Variants in KLHL3 observed in about 807,000 individuals in gnomAD.
KLHL3 encodes kelch-like protein 3.
KLHL3 carries 19 observed loss-of-function variants against 70.5 expected under a neutral mutation model. The observed-to-expected ratio is 0.27, with a 90% confidence interval of 0.19 to 0.40. The LOEUF (loss-of-function observed/expected upper bound fraction) is 0.40, where lower values mean the gene tolerates loss of function less well. KLHL3 is among the 10% of genes least tolerant of loss of function. The probability of loss-of-function intolerance (pLI) is 1.00; values close to 1 mark genes in which losing one functional copy is unlikely to be tolerated. For missense variants in KLHL3, 512 were observed against 771.1 expected (o/e 0.66, Z 3.98); for synonymous variants, 258 against 290.3 (o/e 0.89, Z 1.13).
chr5:137,704,092 C>T (rs1032322189), intron 3 of KLHL3, among the ~76,000 whole-genome samples: 3 of 152,194 alleles, frequency 2.0e-5, no homozygotes, highest in Non-Finnish European at 2.9e-5. Context: ...AGTGAATTCT[C>T]CACGCACCTA....
Position 137,619,237 on chromosome 5 carries a change from G to T in KLHL3, c.*2861C>A, listed in dbSNP as rs1756326490. The T allele has an allele frequency of 6.6e-6, 1 of 152,644 alleles. No homozygotes were observed. The highest frequency in any genetic ancestry group is 2.1e-4 in the South Asian group (1 of 4,834). The allele number at this position is 152,644 out of a possible 1,614,324, so 9.5% of individuals were successfully genotyped here. ...TCTTAGGGGATATTGCAACTGGCTTGTCGGGAACTAGAATTAAGTATTCTT... is the reference window on the plus strand; with the variant it reads ...TCTTAGGGGATATTGCAACTGGCTTTTCGGGAACTAGAATTAAGTATTCTT... On this transcript the variant is annotated 3_prime_UTR_variant, in exon 15 of 15. Coordinates refer to ENST00000309755, the MANE Select transcript of KLHL3 (RefSeq NM_017415.3).
At chr5:137,624,653 T>C (rs1301792830) in intron 14 of KLHL3, among the ~76,000 whole-genome samples, 3 of 152,338 alleles carry the variant, frequency 2.0e-5, no homozygotes, top group Middle Eastern at 3.4e-3. Context: ...ATCGGAAGAA[T>C]ATTCCTGGAG....
intron 8 of KLHL3, among the ~76,000 whole-genome samples, chr5:137,655,146 CA>C (rs1554091787): frequency 6.6e-6 from 1 of 152,066 alleles, no homozygotes; most frequent in Non-Finnish European, 1.5e-5. Flanking sequence ...AACCAATTTC[CA>C]AAGGGAAATG....
At chr5:137,729,555 G>A (rs1753138878) in intron 1 of KLHL3, among the ~76,000 whole-genome samples, 1 of 152,164 alleles carries the variant, frequency 6.6e-6, no homozygotes, top group Non-Finnish European at 1.5e-5. Flanking sequence ...GAGGTAGAAT[G>A]TGGTTGCAGG....
intron 12 of KLHL3, chr5:137,629,363 A>G (rs1477965118): frequency 6.6e-6 from 1 of 152,224 alleles, no homozygotes; most frequent in Non-Finnish European, 1.5e-5. Flanking sequence ...CTAGATCAGT[A>G]GTTCACATGG....
chr5:137,622,551 G>A (rs924091557), intron 14 of KLHL3, among the ~76,000 whole-genome samples: 2 of 152,240 alleles, frequency 1.3e-5, no homozygotes, highest in Non-Finnish European at 2.9e-5. Flanking sequence ...AAGTACAGCA[G>A]GCTGCCTTCA....
chr5:137,709,576 C>A (rs1752753621), intron 3 of KLHL3, among the ~76,000 whole-genome samples, 174 bp downstream of exon 3: 1 of 152,330 alleles, frequency 6.6e-6, no homozygotes, highest in Admixed American at 6.5e-5. Context: ...CTGGCCTGGA[C>A]CTGGTTCCAT....
intron 8 of KLHL3, among the ~76,000 whole-genome samples, chr5:137,646,223 A>G (rs1751041298): frequency 6.6e-6 from 1 of 152,232 alleles, no homozygotes; most frequent in Admixed American, 6.5e-5. Context: ...AATGCAAATG[A>G]AAATCACAAC....
chr5:137,682,819 C>T (rs1451251470), intron 5 of KLHL3, among the ~76,000 whole-genome samples: 3 of 152,152 alleles, frequency 2.0e-5, no homozygotes, highest in African/African-American at 7.2e-5. Context: ...ACTGCACTTT[C>T]CTGACTGTTC....
intron 1 of KLHL3, chr5:137,721,360 T>C (rs1752992730): frequency 6.6e-6 from 1 of 152,228 alleles, no homozygotes; most frequent in African/African-American, 2.4e-5. Context: ...TTAAGTGTCA[T>C]GTAAGCAAAG....
chr5:137,710,928 T>G (rs753702606), intron 2 of KLHL3, among the ~76,000 whole-genome samples: 16 of 152,188 alleles, frequency 1.1e-4, no homozygotes, highest in Non-Finnish European at 2.2e-4. Context: ...AGGATTTAAA[T>G]GAAGGCAGCT....
At chr5:137,724,534 A>G (rs1272541143) in intron 1 of KLHL3, among the ~76,000 whole-genome samples, 1 of 152,232 alleles carries the variant, frequency 6.6e-6, no homozygotes, top group East Asian at 1.9e-4. Flanking sequence ...TCAACAAAAT[A>G]TAATTCACAC....
rs555543412 is a variant in KLHL3, at chr5:137,634,051, C to T, written c.1436G>A (p.Arg479His). 3.1e-6 allele frequency: 5 copies of T among 1,614,186 alleles called. No individual in the cohort carries two copies. Among genetic ancestry groups the T allele is most frequent in the East Asian group, 2.2e-5 (1 of 44,886 alleles). ...TTCTCCCATACCTGCGCCACTGCGG[C>T]GGGTGCTCATGTCCGCCACGTATAT... Reference protein sequence around the residue: ...EWIYVADMSTRRSGAGVGVLS... With the variant: ...EWIYVADMSTHRSGAGVGVLS... The change falls in exon 12 of 15, where the codon CGC becomes CAC. Residue 479 changes from arginine to histidine, a missense_variant. By Grantham distance (29) the Arg-to-His change is conservative (BLOSUM62 0). Coordinates refer to ENST00000309755, the MANE Select transcript of KLHL3 (RefSeq NM_017415.3).
In KLHL3 at chr5:137,640,085, A is replaced by T. The variant is rs1172414246; in HGVS notation, c.904-108T>A. On this transcript the variant is annotated intron_variant, in intron 8 of 14. Transcript: ENST00000309755. ...GCCCAGGGTGTGTGGATGATCTGAG[A>T]TGCCAGTTTACAGAGCTACATACAT... The T allele has an allele frequency of 1.2e-5, 11 of 894,958 alleles. No individual in the cohort carries two copies. The East Asian group carries it at 2.4e-4, about 20-fold the overall frequency. 55.4% of individuals were successfully genotyped at this position (894,958 alleles called of 1,614,324 possible). A position where few individuals can be genotyped will look rare whatever the true frequency, so the allele number is the denominator to read the frequency against.
chr5:137,663,056 C>CTTTTTTTTTTTTTTTTT (rs139890036), intron 6 of KLHL3, among the ~76,000 whole-genome samples: 1 of 77,928 alleles, frequency 1.3e-5, no homozygotes, highest in Non-Finnish European at 2.3e-5. Flanking sequence ...AGCACTCGTT[C>CTTTTTTTTTTTTTTTTT]TTTTTTTTTT....
chr5:137,683,441 C>T (rs1290947520), intron 5 of KLHL3, among the ~76,000 whole-genome samples: 1 of 152,162 alleles, frequency 6.6e-6, no homozygotes, highest in Non-Finnish European at 1.5e-5. Flanking sequence ...AACCACAGAA[C>T]TGCCTTAAAA....
intron 12 of KLHL3, among the ~76,000 whole-genome samples, chr5:137,632,955 T>C (rs903624383): frequency 3.3e-5 from 5 of 152,076 alleles, no homozygotes; most frequent in Admixed American, 6.5e-5. Context: ...AAAACCACAG[T>C]GAGATATCAT....
chr5:137,653,854 C>T (rs758482153), intron 8 of KLHL3, among the ~76,000 whole-genome samples: 3 of 152,178 alleles, frequency 2.0e-5, no homozygotes, highest in Non-Finnish European at 4.4e-5. Flanking sequence ...CCCAAATGTC[C>T]ACCAACTCGT....
chr5:137,710,572 GAATA>G (rs1195832884), intron 2 of KLHL3, among the ~76,000 whole-genome samples: 5 of 152,066 alleles, frequency 3.3e-5, no homozygotes, highest in Non-Finnish European at 7.4e-5. Context: ...AATTTTTACT[GAATA>G]AATAAATTAA....
Sources: gnomAD v4.1 joint callset for allele counts (sites outside exome capture counted in the v4.1 genomes callset) on GRCh38, gnomAD v4.1.1 for gene constraint, MANE v1.5 for transcripts, NCBI Gene and HGNC (gene_info 2026-07-23, HGNC 2026-07-21) for gene names.